The following ZNF704 variants were observed in gnomAD, a reference collection of about 807,000 sequenced individuals.
ZNF704 encodes glucocorticoid induced gene 1.
Under a neutral mutation model 44.7 loss-of-function variants are expected in ZNF704, and 10 were observed. That is an observed-to-expected ratio of 0.22 (90% CI 0.14 to 0.38). The LOEUF (loss-of-function observed/expected upper bound fraction) is 0.38. Among genes scored for constraint, ZNF704 ranks in the 10% least tolerant of loss-of-function variants. The probability of loss-of-function intolerance (pLI) is 1.00; values close to 1 mark genes in which losing one functional copy is unlikely to be tolerated. For synonymous variants in ZNF704, 211 were observed against 207.6 expected (o/e 1.02, Z -0.14); for missense variants, 390 against 545.5 (o/e 0.71, Z 2.84).
rs530449745 is a variant in ZNF704 at position 80,641,168 on chromosome 8, G to C, written c.*198C>G. 4.9e-6 allele frequency: 2 copies of C among 411,612 alleles called. No individual in the cohort carries two copies. Among genetic ancestry groups the C allele is most frequent in the Non-Finnish European group, 8.6e-6 (2 of 231,884 alleles). The allele number at this position is 411,612 out of a possible 1,614,324, so 25.5% of individuals were successfully genotyped here. On this transcript the variant is annotated 3_prime_UTR_variant, in exon 9 of 9. Transcript: ENST00000327835. The stretch of plus-strand genomic sequence containing the variant: ...CTGCTCCAAGCTGGGTTCTCAGTAA[G>C]AGCAACTTTCTTTTGTCATAGGTGG...
At chr8:80,836,281 C>A (rs928934922) in intron 1 of ZNF704, among the ~76,000 whole-genome samples, 1 of 152,182 alleles carries the variant, frequency 6.6e-6, no homozygotes, top group Admixed American at 6.5e-5. Flanking sequence ...CCAGGCATAC[C>A]CCTGCATCCA....
At chr8:80,876,004 A>T (rs1379379033), upstream of ZNF704, among the ~76,000 whole-genome samples, 1 of 152,166 alleles carries the variant, frequency 6.6e-6, no homozygotes, top group East Asian at 1.9e-4. Flanking sequence ...AATTGCCCAC[A>T]AGTCCAACCC....
intron 1 of ZNF704, among the ~76,000 whole-genome samples, chr8:80,850,101 AC>A (rs1363282782): frequency 2.0e-5 from 3 of 152,112 alleles, no homozygotes; most frequent in Non-Finnish European, 2.9e-5. Context: ...ATTTATATTT[AC>A]TTTTCCTACA....
intron 4 of ZNF704, among the ~76,000 whole-genome samples, chr8:80,684,570 A>C (rs1001468528): frequency 3.9e-5 from 6 of 152,348 alleles, no homozygotes; most frequent in African/African-American, 1.4e-4. Flanking sequence ...TGAACTCAGA[A>C]AGTTCTACCA....
chr8:80,784,552 C>A (rs551232260), intron 2 of ZNF704, among the ~76,000 whole-genome samples: 1 of 152,112 alleles, frequency 6.6e-6, no homozygotes, highest in Admixed American at 6.6e-5. Context: ...TTGCCATCTG[C>A]GTGTCTTCTT....
intron 2 of ZNF704, among the ~76,000 whole-genome samples, chr8:80,744,216 C>T (rs566845658): frequency 6.6e-6 from 1 of 152,026 alleles, no homozygotes; most frequent in Middle Eastern, 3.4e-3. Flanking sequence ...TTAATATCAC[C>T]TATTTCTTTT....
chr8:80,873,859 C>T (rs1563585412), intron 1 of ZNF704, among the ~76,000 whole-genome samples: 3 of 146,276 alleles, frequency 2.1e-5, no homozygotes, highest in South Asian at 4.2e-4. Flanking sequence ...CGCTGCGCGG[C>T]GGCGGCGGCA....
intron 1 of ZNF704, among the ~76,000 whole-genome samples, chr8:80,866,948 T>C (rs886862119): frequency 4.6e-5 from 7 of 152,082 alleles, no homozygotes; most frequent in African/African-American, 1.7e-4. Flanking sequence ...AGATTCAGGG[T>C]AGGGCTTGAC....
At chr8:80,753,581 G>T (rs1430725604) in intron 2 of ZNF704, among the ~76,000 whole-genome samples, 1 of 152,134 alleles carries the variant, frequency 6.6e-6, no homozygotes, top group Non-Finnish European at 1.5e-5. Context: ...CAAAAGCAGT[G>T]AACACTGGAT....
intron 4 of ZNF704, among the ~76,000 whole-genome samples, chr8:80,672,375 TAA>T (rs1161946886): frequency 6.6e-6 from 1 of 152,170 alleles, no homozygotes; most frequent in Non-Finnish European, 1.5e-5. Context: ...CTCAAAGAAC[TAA>T]AAATAGAAGT....
chr8:80,751,803 A>G (rs1806948651), intron 2 of ZNF704, among the ~76,000 whole-genome samples: 1 of 152,228 alleles, frequency 6.6e-6, no homozygotes, highest in Admixed American at 6.5e-5. Flanking sequence ...GCTGGAGTGC[A>G]GTGGCACGGT....
intron 2 of ZNF704, among the ~76,000 whole-genome samples, chr8:80,715,745 A>G (rs1209364885): frequency 1.3e-5 from 2 of 152,198 alleles, no homozygotes; most frequent in Non-Finnish European, 2.9e-5. Context: ...TGATATTTTG[A>G]AAACTCTCCA....
rs1809078369 is a variant in ZNF704 at position 80,862,368 on chromosome 8, A to G, written c.-22+12203T>C. Among the ~76,000 whole-genome samples, 3 of 151,984 alleles carry G rather than the reference A, an allele frequency of 2.0e-5. No homozygotes were observed. In the South Asian group the frequency reaches 6.2e-4, roughly 32 times the overall value. On this transcript the variant is annotated intron_variant, in intron 1 of 8. Coordinates refer to ENST00000327835, the MANE Select transcript of ZNF704 (RefSeq NM_001033723.3). ...CAACCTTGTGCTAGAGTGCAAGAAA[A>G]ATTCAAGTGACAAAAATCAATACAG...
intron 4 of ZNF704, among the ~76,000 whole-genome samples, chr8:80,676,189 A>G (rs1313617756): frequency 6.6e-6 from 1 of 152,098 alleles, no homozygotes; most frequent in Non-Finnish European, 1.5e-5. Context: ...TAGACTGGAG[A>G]GTAAGTGGGA....
At chr8:80,820,561 G>A (rs939202323) in intron 2 of ZNF704, among the ~76,000 whole-genome samples, 9 of 151,610 alleles carry the variant, frequency 5.9e-5, no homozygotes, top group African/African-American at 2.2e-4. Flanking sequence ...AGACTTTACA[G>A]ACCACCTGTG....
intron 1 of ZNF704, among the ~76,000 whole-genome samples, chr8:80,846,401 TACACACAC>T (rs33922681): frequency 1.1e-3 from 166 of 148,504 alleles, no homozygotes; most frequent in African/African-American, 3.7e-3. Flanking sequence ...AGAGATTTCA[TACACACAC>T]ACACACACAC....
rs1163299837 is a variant in ZNF704 at position 80,634,338 on chromosome 8, A to AT, written c.*7027dup. 1.3e-5 allele frequency: 2 copies of AT among 152,232 alleles called. No homozygotes were observed. The highest frequency in any genetic ancestry group is 2.9e-5 in the Non-Finnish European group (2 of 68,048). 9.4% of individuals were successfully genotyped at this position (152,232 alleles called of 1,614,324 possible). A position where few individuals can be genotyped will look rare whatever the true frequency, so the allele number is the denominator to read the frequency against. ...TATATTCAAGTCTGCCATGAGAATG[A>AT]TATCTGGGGAGAAATGATCTCTTTC... On this transcript the variant is annotated 3_prime_UTR_variant, in exon 9 of 9. Coordinates refer to ENST00000327835, the MANE Select transcript of ZNF704 (RefSeq NM_001033723.3).
chr8:80,866,724 G>C (rs780351925), intron 1 of ZNF704, among the ~76,000 whole-genome samples: 8 of 152,084 alleles, frequency 5.3e-5, no homozygotes, highest in East Asian at 1.9e-4. Context: ...GCGGGGTTGG[G>C]GGGGGGATAC....
intron 1 of ZNF704, among the ~76,000 whole-genome samples, chr8:80,859,132 T>G (rs1311910036): frequency 6.6e-6 from 1 of 152,248 alleles, no homozygotes; most frequent in Non-Finnish European, 1.5e-5. Context: ...AGCTTTCCTA[T>G]GAGATATATA....
Sources: allele counts gnomAD v4.1 joint callset (sites outside exome capture counted in the v4.1 genomes callset), GRCh38; gene constraint gnomAD v4.1.1; transcripts MANE v1.5; gene names NCBI Gene and HGNC (gene_info 2026-07-23, HGNC 2026-07-21).